The following COL22A1 variants were observed in gnomAD, a reference collection of about 807,000 sequenced individuals.
The protein encoded by COL22A1 is collagen alpha-1(XXII) chain.
Under a neutral mutation model 248.9 loss-of-function variants are expected in COL22A1, and 221 were observed. That is an observed-to-expected ratio of 0.89 (90% CI 0.80 to 0.99). The LOEUF (loss-of-function observed/expected upper bound fraction) is 0.99. Among genes scored for constraint, COL22A1 ranks in the 50% least tolerant of loss-of-function variants. The pLI is 0.00. For missense variants in COL22A1, 2,240 were observed against 2,179.0 expected, an observed-to-expected ratio of 1.03 and a Z score of -0.56; for synonymous variants, 891 against 793.4, an observed-to-expected ratio of 1.12 and a Z score of -2.07.
intron 3 of COL22A1, among the ~76,000 whole-genome samples, chr8:138,861,377 C>G (rs1476383589): frequency 2.0e-5 from 3 of 152,208 alleles, no homozygotes; most frequent in Non-Finnish European, 4.4e-5. Context: ...TGGAATTTAA[C>G]CAGTCAGAAA....
intron 22 of COL22A1, 37 bp from the exon 23 acceptor site, chr8:138,737,614 GC>G: frequency 6.9e-7 from 1 of 1,452,378 alleles, no homozygotes; most frequent in Non-Finnish European, 9.7e-7. Flanking sequence ...TAACAAGCAG[GC>G]AATTGTCAAC....
At chr8:138,740,114 T>C (rs1831432330) in intron 22 of COL22A1, among the ~76,000 whole-genome samples, 1 of 152,202 alleles carries the variant, frequency 6.6e-6, no homozygotes, top group Admixed American at 6.5e-5. Context: ...ATTTTCTATC[T>C]AGACAGACAC....
intron 41 of COL22A1, among the ~76,000 whole-genome samples, chr8:138,674,862 AAAG>A (rs1825382761): frequency 6.6e-6 from 1 of 152,190 alleles, no homozygotes; most frequent in Non-Finnish European, 1.5e-5. Context: ...AGAATTTCAG[AAAG>A]AAGAAGGCAT....
intron 7 of COL22A1, among the ~76,000 whole-genome samples, chr8:138,813,240 C>A (rs1225118293): frequency 6.6e-6 from 1 of 152,168 alleles, no homozygotes; most frequent in Non-Finnish European, 1.5e-5. Context: ...GCTGTGTCCC[C>A]ACCCAAATCT....
In COL22A1 at chr8:138,821,298, G is replaced by A; in HGVS notation, c.1083C>T (p.Asp361=). 6.2e-7 allele frequency: 1 copy of A among 1,614,188 alleles called. No individual in the cohort carries two copies. The highest frequency in any genetic ancestry group is 8.5e-7 in the Non-Finnish European group (1 of 1,180,034). ...FRGSRVNDLF[D]RDWHKMALSI... ...TCAGGGCCATCTTGTGCCAGTCCCG[G>A]TCAAAGAGGTCATTGACCCGAGAAC... Residue 361 remains aspartate (D), a synonymous_variant, in exon 7 of 65, where the codon GAC becomes GAT. Coordinates refer to ENST00000303045, the MANE Select transcript of COL22A1 (RefSeq NM_152888.3).
intron 18 of COL22A1, among the ~76,000 whole-genome samples, chr8:138,757,043 A>G (rs911540105): frequency 6.6e-6 from 1 of 152,170 alleles, no homozygotes; most frequent in Non-Finnish European, 1.5e-5. Flanking sequence ...CCCTGCACAC[A>G]CGTGCACACA....
chr8:138,611,404 G>T (rs943362153), intron 56 of COL22A1, among the ~76,000 whole-genome samples: 1 of 152,208 alleles, frequency 6.6e-6, no homozygotes, highest in Non-Finnish European at 1.5e-5. Flanking sequence ...AAGCCCAGAT[G>T]GCTGAACTCC....
At chr8:138,849,527 C>T (rs1270673486) in intron 3 of COL22A1, among the ~76,000 whole-genome samples, 1 of 152,194 alleles carries the variant, frequency 6.6e-6, no homozygotes, top group Non-Finnish European at 1.5e-5. Context: ...CTTCAGCACC[C>T]AGTTCTTGGC....
At chr8:138,762,648 C>T (rs1022662866) in intron 16 of COL22A1, among the ~76,000 whole-genome samples, 182 bp from the exon 17 acceptor site, 2 of 152,070 alleles carry the variant, frequency 1.3e-5, no homozygotes, top group African/African-American at 4.8e-5. Context: ...GGACAAGGAA[C>T]ATAGGTCTAG....
intron 37 of COL22A1, 87 bp from the exon 38 acceptor site, chr8:138,685,399 G>A: frequency 9.7e-7 from 1 of 1,034,616 alleles, no homozygotes; most frequent in Non-Finnish European, 1.5e-6. Flanking sequence ...AGGTTTGTAG[G>A]TTTCCTGGGG....
chr8:138,675,097 C>T (rs1417900590), intron 41 of COL22A1, among the ~76,000 whole-genome samples: 2 of 152,174 alleles, frequency 1.3e-5, no homozygotes, highest in Admixed American at 1.3e-4. Context: ...TAAGAAGACA[C>T]AGAGCTACCT....
At position 138,646,647 on chromosome 8, in the gene COL22A1, T is replaced by A; in HGVS notation, c.3483A>T (p.Pro1161=). Residue 1161 remains proline (P), a synonymous_variant, in exon 47 of 65, where the codon CCA becomes CCT. Transcript: ENST00000303045. ...EAGPPGLPGP[P]GIAGPQGSQG... is the part of the protein sequence containing the mutation. ...CACTGACCTGTGGTCCAGCTATTCC[T>A]GGGGGCCCTGGTAGGCCTGGAGGCC... 4.4e-6 allele frequency: 7 copies of A among 1,582,162 alleles called. No individual in the cohort carries two copies. The highest frequency in any genetic ancestry group is 6.0e-6 in the Non-Finnish European group (7 of 1,164,086).
In COL22A1 at chr8:138,878,161, T is replaced by C. The variant is rs963885727; in HGVS notation, c.247A>G (p.Ser83Gly). Residue 83 changes from serine (S) to glycine (G), a missense_variant, in exon 3 of 65, where the codon AGC becomes GGC. Coordinates refer to ENST00000303045, the MANE Select transcript of COL22A1 (RefSeq NM_152888.3). ...DRTRVGVVRY[S>G]DRPTTAFELG... ...TCGAAGGCCGTGGTGGGCCGGTCGC[T>C]GTAGCGCACGACCCCCACACGGGTG... 2 of 1,605,368 alleles carry C rather than the reference T, an allele frequency of 1.2e-6. No individual in the cohort carries two copies. Among genetic ancestry groups the C allele is most frequent in the African/African-American group, 2.7e-5 (2 of 74,870 alleles).
At chr8:138,708,833 C>G (rs147493922) in intron 30 of COL22A1, among the ~76,000 whole-genome samples, 11,504 of 152,194 alleles carry the variant, frequency 0.076, 520 homozygotes, top group Non-Finnish European at 0.11. Context: ...AAGAAACTAC[C>G]ATTAGAGTGA....
At chr8:138,827,941 C>T (rs953677439) in intron 5 of COL22A1, 1 of 152,014 alleles carries the variant, frequency 6.6e-6, no homozygotes, top group African/African-American at 2.4e-5. Context: ...CCTCTTTCTT[C>T]CTCTCCTTCC....
At chr8:138,897,203 A>G (rs995673641) in intron 1 of COL22A1, among the ~76,000 whole-genome samples, 9 of 152,090 alleles carry the variant, frequency 5.9e-5, no homozygotes, top group African/African-American at 2.2e-4. Context: ...GGAAGGAGAC[A>G]TTTACTATTT....
At chr8:138,735,154 G>A (rs1330950170) in intron 23 of COL22A1, among the ~76,000 whole-genome samples, 4 of 152,174 alleles carry the variant, frequency 2.6e-5, no homozygotes, top group African/African-American at 9.7e-5. Context: ...TGCACGTTCT[G>A]CACATGCATC....
chr8:138,752,923 T>A (rs1210335331), intron 21 of COL22A1, among the ~76,000 whole-genome samples: 1 of 152,222 alleles, frequency 6.6e-6, no homozygotes, highest in Non-Finnish European at 1.5e-5. Flanking sequence ...ACAGTTGATA[T>A]CAGCATTGGG....
At chr8:138,770,435 C>T (rs1834266293) in intron 16 of COL22A1, among the ~76,000 whole-genome samples, 1 of 152,200 alleles carries the variant, frequency 6.6e-6, no homozygotes, top group East Asian at 1.9e-4. Flanking sequence ...CCTGCAGAGA[C>T]ATGATCTGGT....
Sources: gnomAD v4.1 joint callset for allele counts (sites outside exome capture counted in the v4.1 genomes callset) on GRCh38, gnomAD v4.1.1 for gene constraint, MANE v1.5 for transcripts, NCBI Gene and HGNC (gene_info 2026-07-23, HGNC 2026-07-21) for gene names.